The following MAD1L1 variants were observed in gnomAD, a reference collection of about 807,000 sequenced individuals.
The protein encoded by MAD1L1 is mitotic spindle assembly checkpoint protein MAD1.
A neutral mutation model predicts 96.9 loss-of-function variants in MAD1L1; 95 were observed. The observed-to-expected ratio is 0.98, with a 90% CI of 0.83 to 1.16. The LOEUF (loss-of-function observed/expected upper bound fraction) is 1.16, where lower values mean the gene tolerates loss of function less well. Among genes scored for constraint, MAD1L1 ranks in the 50% most tolerant of loss-of-function variants. The pLI is 0.00. For missense variants in MAD1L1, 1,007 were observed against 954.4 expected (o/e 1.06, Z -0.73); for synonymous variants, 473 against 396.6 (o/e 1.19, Z -2.29).
At chr7:1,829,915 T>A (rs548238083) in intron 18 of MAD1L1, among the ~76,000 whole-genome samples, 1 of 152,126 alleles carries the variant, frequency 6.6e-6, no homozygotes. Context: ...AAGAAGACAG[T>A]GAGATCACCT....
At chr7:1,851,525 C>G (rs188426120) in intron 18 of MAD1L1, among the ~76,000 whole-genome samples, 4 of 152,134 alleles carry the variant, frequency 2.6e-5, no homozygotes, top group African/African-American at 9.7e-5. Context: ...GGAATCTGCT[C>G]GGGGCCCCGG....
At chr7:2,064,078 G>C in intron 12 of MAD1L1, among the ~76,000 whole-genome samples, 1 of 152,278 alleles carries the variant, frequency 6.6e-6, no homozygotes, top group African/African-American at 2.4e-5. Flanking sequence ...GTCCTGTTCT[G>C]GGCCTGGCCT....
At chr7:1,980,230 T>TGG (rs1583983230) in intron 15 of MAD1L1, among the ~76,000 whole-genome samples, 1 of 152,058 alleles carries the variant, frequency 6.6e-6, no homozygotes, top group Non-Finnish European at 1.5e-5. Flanking sequence ...ACTTCCTTCC[T>TGG]GGGGGACACG....
chr7:2,069,982 C>G (rs1456374320), intron 11 of MAD1L1, among the ~76,000 whole-genome samples: 1 of 151,898 alleles, frequency 6.6e-6, no homozygotes, highest in Non-Finnish European at 1.5e-5. Context: ...ACCTACGTTA[C>G]CACAATAGCC....
chr7:2,057,518 A>G (rs1473525460), intron 12 of MAD1L1, among the ~76,000 whole-genome samples: 1 of 89,452 alleles, frequency 1.1e-5, no homozygotes, highest in Non-Finnish European at 2.4e-5. Flanking sequence ...CATTCCCCCC[A>G]CCGCCCCCCC....
rs1448026852 is a variant in MAD1L1, at chr7:1,934,329, G to A, written c.1807+2358C>T. ...TGTCACAGCCAGATGCCGACCACCCGCGTGCCTGAGACGCGCAGAGACCCA... is the reference window on the plus strand; with the variant it reads ...TGTCACAGCCAGATGCCGACCACCCACGTGCCTGAGACGCGCAGAGACCCA... On this transcript the variant is annotated intron_variant, in intron 17 of 18. Coordinates refer to ENST00000265854, the MANE Select transcript of MAD1L1 (RefSeq NM_001013836.2). 2.6e-5 allele frequency among the ~76,000 whole-genome samples: 4 copies of A among 152,192 alleles called. No individual in the cohort carries two copies. The East Asian group carries it at 5.8e-4, about 22-fold the overall frequency.
chr7:2,057,816 G>C (rs1301219595), intron 12 of MAD1L1, among the ~76,000 whole-genome samples: 1 of 152,214 alleles, frequency 6.6e-6, no homozygotes, highest in Non-Finnish European at 1.5e-5. Flanking sequence ...ATTCAGTAAA[G>C]AGTATCACAC....
intron 11 of MAD1L1, among the ~76,000 whole-genome samples, chr7:2,135,756 C>T (rs1350475904): frequency 2.6e-5 from 4 of 152,186 alleles, no homozygotes; most frequent in East Asian, 3.8e-4. Flanking sequence ...CTCATGGTGA[C>T]GTGTGTGCAC....
chr7:2,147,067 G>A (rs375724194), intron 11 of MAD1L1, among the ~76,000 whole-genome samples: 4 of 152,348 alleles, frequency 2.6e-5, no homozygotes, highest in African/African-American at 7.2e-5. Context: ...TGGTCGGGAA[G>A]TGTCCACCCA....
intron 11 of MAD1L1, among the ~76,000 whole-genome samples, chr7:2,075,828 G>A (rs1785348021): frequency 1.3e-5 from 2 of 152,108 alleles, no homozygotes; most frequent in Non-Finnish European, 1.5e-5. Flanking sequence ...TTCCACGCAC[G>A]ACCCATTCCT....
chr7:2,185,909 C>T (rs1283507369), intron 10 of MAD1L1, among the ~76,000 whole-genome samples: 1 of 152,226 alleles, frequency 6.6e-6, no homozygotes, highest in Non-Finnish European at 1.5e-5. Flanking sequence ...CCCTTGACCC[C>T]AGTCGGTCCA....
chr7:2,006,881 G>A (rs527965916), intron 13 of MAD1L1, among the ~76,000 whole-genome samples: 1 of 152,266 alleles, frequency 6.6e-6, no homozygotes, highest in Non-Finnish European at 1.5e-5. Flanking sequence ...AACCAGCACA[G>A]ACACACCCCC....
chr7:1,857,045 G>A (rs1026357940), intron 18 of MAD1L1, among the ~76,000 whole-genome samples: 1 of 152,226 alleles, frequency 6.6e-6, no homozygotes, highest in South Asian at 2.1e-4. Context: ...GGGTGAGGAC[G>A]AGGAGCTGCG....
intron 13 of MAD1L1, among the ~76,000 whole-genome samples, chr7:2,006,635 G>C (rs997493531): frequency 2.0e-5 from 3 of 150,952 alleles, no homozygotes; most frequent in South Asian, 2.1e-4. Flanking sequence ...CAACACAGGA[G>C]AGACGGGACA....
intron 17 of MAD1L1, among the ~76,000 whole-genome samples, chr7:1,922,553 T>A (rs1788859006): frequency 6.6e-6 from 1 of 152,204 alleles, no homozygotes; most frequent in East Asian, 1.9e-4. Context: ...CTCGTTTTTA[T>A]CTTGTGATTT....
chr7:1,976,590 C>T (rs996030626), intron 15 of MAD1L1, among the ~76,000 whole-genome samples: 1 of 152,184 alleles, frequency 6.6e-6, no homozygotes, highest in African/African-American at 2.4e-5. Context: ...AACAAAGCTC[C>T]CACAGCGTGG....
intron 14 of MAD1L1, among the ~76,000 whole-genome samples, chr7:1,981,949 C>A (rs1475113434): frequency 6.6e-6 from 1 of 152,112 alleles, no homozygotes; most frequent in African/African-American, 2.4e-5. Context: ...ACAGTTCAGA[C>A]AACAAACACG....
At position 2,059,896 on chromosome 7, in the gene MAD1L1, G is replaced by A. The variant is rs79377115; in HGVS notation, c.1218+9298C>T. On this transcript the variant is annotated intron_variant, in intron 12 of 18. Coordinates refer to ENST00000265854, the MANE Select transcript of MAD1L1 (RefSeq NM_001013836.2). ...TCCAAGAAGACAACATGAAAACTGCGTCGAATGTTCAAATACGCAGGGCAG... is the reference window on the plus strand; with the variant it reads ...TCCAAGAAGACAACATGAAAACTGCATCGAATGTTCAAATACGCAGGGCAG... Among the ~76,000 whole-genome samples, 1,462 of 152,234 alleles carry A rather than the reference G, an allele frequency of 9.6e-3. 22 individuals carry two copies. The highest frequency in any genetic ancestry group is 0.033 in the African/African-American group (1,360 of 41,514).
chr7:1,871,974 GGA>G (rs1785136828), intron 18 of MAD1L1, among the ~76,000 whole-genome samples: 1 of 152,146 alleles, frequency 6.6e-6, no homozygotes. Context: ...GCAGAGGGAG[GGA>G]GAGACAGGAT....
Sources: gnomAD v4.1 joint callset for allele counts (sites outside exome capture counted in the v4.1 genomes callset) on GRCh38, gnomAD v4.1.1 for gene constraint, MANE v1.5 for transcripts, NCBI Gene and HGNC (gene_info 2026-07-23, HGNC 2026-07-21) for gene names.